Variants in PDE11A observed in about 807,000 individuals in gnomAD.
PDE11A encodes dual 3',5'-cyclic-AMP and -GMP phosphodiesterase 11A.
PDE11A carries 100 observed loss-of-function variants against 100.5 expected under a neutral mutation model. The ratio of observed to expected loss-of-function variants is 1.00; its 90% confidence interval spans 0.85 to 1.18. The LOEUF (loss-of-function observed/expected upper bound fraction) is 1.18, where lower values mean the gene tolerates loss of function less well. PDE11A is among the 50% of genes most tolerant of loss of function. The probability of loss-of-function intolerance (pLI) is 0.00; values close to 1 mark genes in which losing one functional copy is unlikely to be tolerated. For synonymous variants in PDE11A, 381 were observed against 420.8 expected (o/e 0.91, Z 1.16); for missense variants, 1,141 against 1,152.6 (o/e 0.99, Z 0.15).
chr2:177,905,254 T>C (rs2084767881), intron 2 of PDE11A, 67 bp from the exon 3 acceptor site: 1 of 845,756 alleles, frequency 1.2e-6, no homozygotes, highest in Admixed American at 1.8e-5. Context: ...GTAGACTAAA[T>C]TGCACACTTC....
chr2:177,816,955 C>T (rs1348544300), intron 8 of PDE11A, 34 bp from the exon 9 acceptor site: 2 of 1,298,590 alleles, frequency 1.5e-6, no homozygotes, highest in Admixed American at 1.7e-5. Flanking sequence ...TTAAACATTG[C>T]AGCAACTCAT....
chr2:178,007,079 A>G (rs1368024403), intron 2 of PDE11A, among the ~76,000 whole-genome samples: 2 of 152,164 alleles, frequency 1.3e-5, no homozygotes, highest in African/African-American at 4.8e-5. Context: ...TTTTATTTCC[A>G]TTATTTTATT....
chr2:177,695,030 T>C (rs2081089610), intron 15 of PDE11A, among the ~76,000 whole-genome samples: 1 of 152,018 alleles, frequency 6.6e-6, no homozygotes. Flanking sequence ...GCCTCTGTCT[T>C]TCCTATCGGA....
intron 1 of PDE11A, among the ~76,000 whole-genome samples, chr2:178,014,696 A>G (rs1387020071): frequency 6.6e-6 from 1 of 152,198 alleles, no homozygotes; most frequent in African/African-American, 2.4e-5. Context: ...GCCCAACCGC[A>G]ACACATCAAA....
intron 9 of PDE11A, among the ~76,000 whole-genome samples, chr2:177,795,887 T>C (rs541535624): frequency 7.0e-6 from 1 of 143,842 alleles, no homozygotes; most frequent in African/African-American, 2.5e-5. Context: ...AAGTCTCCCA[T>C]GTTGTCTCTG....
At chr2:177,708,053 A>G (rs2081305475) in intron 13 of PDE11A, among the ~76,000 whole-genome samples, 1 of 152,196 alleles carries the variant, frequency 6.6e-6, no homozygotes, top group African/African-American at 2.4e-5. Flanking sequence ...CTAAAAAAGT[A>G]ATGCAGTGCA....
intron 1 of PDE11A, among the ~76,000 whole-genome samples, chr2:178,062,248 T>C (rs2086981171): frequency 6.6e-6 from 1 of 150,892 alleles, no homozygotes; most frequent in Non-Finnish European, 1.5e-5. Context: ...AGGAGGGCTA[T>C]GGCTAGGGCT....
At position 177,875,937 on chromosome 2, in the gene PDE11A, A is replaced by G. The variant is rs749472376; in HGVS notation, c.1303-14T>C. ...AAATTTCACCACCTGTCGCATAGAA[A>G]GATAATAAATCCAGGTCAATTAAAG... is the stretch of plus-strand genomic sequence containing the variant. On this transcript the variant is annotated splice_polypyrimidine_tract_variant and intron_variant, in intron 4 of 19. Transcript: ENST00000286063. The G allele has an allele frequency of 6.4e-7, 1 of 1,551,540 alleles. No individual in the cohort carries two copies. Among genetic ancestry groups the G allele is most frequent in the African/African-American group, 1.4e-5 (1 of 73,846 alleles).
At chr2:178,049,555 C>A (rs1355360714) in intron 1 of PDE11A, among the ~76,000 whole-genome samples, 1 of 152,150 alleles carries the variant, frequency 6.6e-6, no homozygotes, top group South Asian at 2.1e-4. Context: ...GGCAAGGCAT[C>A]GCCTCACCTG....
In PDE11A at chr2:178,014,422, T is replaced by C; in HGVS notation, c.951A>G (p.Gly317=). 4 of 1,613,360 alleles carry C rather than the reference T, an allele frequency of 2.5e-6. No homozygotes were observed. The highest frequency in any genetic ancestry group is 3.4e-6 in the Non-Finnish European group (4 of 1,179,336). ...RFNDEIDKLT[G]YKTKSLLCMP... is the part of the protein sequence containing the mutation. The stretch of plus-strand genomic sequence containing the variant: ...TGCACAATAATGATTTTGTCTTGTA[T>C]CCAGTTAGCTTGTCGATTTCATCAT... The change falls in exon 2 of 20, where the codon GGA becomes GGG. Residue 317 remains glycine (G), a synonymous_variant. Coordinates refer to ENST00000286063, the MANE Select transcript of PDE11A (RefSeq NM_016953.4).
At chr2:177,951,948 G>A (rs1196995784) in intron 2 of PDE11A, among the ~76,000 whole-genome samples, 1 of 152,182 alleles carries the variant, frequency 6.6e-6, no homozygotes, top group Non-Finnish European at 1.5e-5. Context: ...GGGTACATGT[G>A]CACAACGTGC....
exon 2 of PDE11A, chr2:178,104,392 G>A: frequency 1.2e-6 from 2 of 1,614,030 alleles, no homozygotes; most frequent in South Asian, 2.2e-5. Flanking sequence ...CCAGTCTTGT[G>A]ATTTTCACCT....
At chr2:177,710,430 A>G (rs1405846923) in intron 13 of PDE11A, among the ~76,000 whole-genome samples, 1 of 152,148 alleles carries the variant, frequency 6.6e-6, no homozygotes, top group African/African-American at 2.4e-5. Context: ...GCTAAGAGCA[A>G]TGGGGAATGG....
chr2:178,029,551 G>GA (rs142210814), intron 1 of PDE11A, among the ~76,000 whole-genome samples: 1,486 of 146,734 alleles, frequency 0.01, 20 homozygotes, highest in African/African-American at 0.035. Flanking sequence ...CTTACCTCAG[G>GA]AAAAAAAAAA....
chr2:177,830,294 T>A (rs1280942436), intron 6 of PDE11A, among the ~76,000 whole-genome samples: 1 of 151,932 alleles, frequency 6.6e-6, no homozygotes, highest in Non-Finnish European at 1.5e-5. Context: ...ACAGAAACTG[T>A]GAGATAATAA....
upstream of PDE11A, among the ~76,000 whole-genome samples, chr2:178,075,311 G>T (rs1477506735): frequency 6.6e-6 from 1 of 152,146 alleles, no homozygotes; most frequent in Non-Finnish European, 1.5e-5. Flanking sequence ...CCAGCACTTT[G>T]GGAGGATGAG....
chr2:177,728,123 A>G lies in PDE11A; in HGVS notation c.1838T>C (p.Phe613Ser), dbSNP rs372571698. 1.2e-5 allele frequency: 19 copies of G among 1,612,898 alleles called. No individual in the cohort carries two copies. Among genetic ancestry groups the G allele is most frequent in the Non-Finnish European group, 1.5e-5 (18 of 1,179,132 alleles). ...ATCAACGTCGAGAGAAAAGTCATCA[A>G]AATGAATGTCATCGATGGCAAGTTC... ...VSELAIDDIH[F>S]DDFSLDVDAM... The change falls in exon 11 of 20, where the codon TTT (phenylalanine) becomes TCT (serine). Residue 613 changes from phenylalanine (F) to serine (S), a missense_variant. Coordinates refer to ENST00000286063, the MANE Select transcript of PDE11A (RefSeq NM_016953.4).
rs117534006 is a variant in PDE11A, at chr2:177,711,851, C to G, written c.2071G>C (p.Glu691Gln). The G allele has an allele frequency of 6.2e-7, 1 of 1,611,624 alleles. No homozygotes were observed. The highest frequency in any genetic ancestry group is 8.5e-7 in the Non-Finnish European group (1 of 1,177,824). Residue 691 changes from glutamate to glutamine, a missense_variant, in exon 13 of 20, where the codon GAG (glutamate) becomes CAG (glutamine). Coordinates refer to ENST00000286063, the MANE Select transcript of PDE11A (RefSeq NM_016953.4). Reference protein sequence around the residue: ...TTAGFQDILTEVEILAVIVGC... With the variant: ...TTAGFQDILTQVEILAVIVGC... Reference sequence around the variant, plus strand: ...ACAATCACCGCTAAAATTTCCACCTCGGTCAGAATGTCTTGAAACCCAGCA... The same window carrying G: ...ACAATCACCGCTAAAATTTCCACCTGGGTCAGAATGTCTTGAAACCCAGCA...
intron 5 of PDE11A, among the ~76,000 whole-genome samples, chr2:177,863,652 A>G (rs540161054): frequency 6.6e-6 from 1 of 152,146 alleles, no homozygotes; most frequent in African/African-American, 2.4e-5. Context: ...TACACCTCAT[A>G]CCCATTAGGG....
Sources: gnomAD v4.1 joint callset for allele counts (sites outside exome capture counted in the v4.1 genomes callset) on GRCh38, gnomAD v4.1.1 for gene constraint, MANE v1.5 for transcripts, NCBI Gene and HGNC (gene_info 2026-07-23, HGNC 2026-07-21) for gene names.